Variants in MAGI1 observed in about 807,000 individuals in gnomAD.
The protein encoded by MAGI1 is membrane-associated guanylate kinase, WW and PDZ domain-containing protein 1.
A neutral mutation model predicts 139.9 loss-of-function variants in MAGI1; 58 were observed. The observed-to-expected ratio is 0.41, with a 90% CI of 0.34 to 0.52. The LOEUF (loss-of-function observed/expected upper bound fraction) is 0.52, where lower values mean the gene tolerates loss of function less well. MAGI1 is among the 20% of genes least tolerant of loss of function. The pLI is 0.12. For missense variants in MAGI1, 1,874 were observed against 1,901.6 expected (o/e 0.99, Z 0.27); for synonymous variants, 812 against 737.9 (o/e 1.10, Z -1.63).
intron 14 of MAGI1, among the ~76,000 whole-genome samples, chr3:65,386,339 A>G (rs1326621831): frequency 3.3e-5 from 5 of 152,142 alleles, no homozygotes; most frequent in African/African-American, 1.2e-4. Context: ...GAAGATGCCC[A>G]CTGACACTAG....
chr3:65,854,665 C>A (rs1036630709), intron 1 of MAGI1, among the ~76,000 whole-genome samples: 1 of 152,226 alleles, frequency 6.6e-6, no homozygotes, highest in African/African-American at 2.4e-5. Flanking sequence ...AAATGTCCCA[C>A]GAGAGGGTTC....
At chr3:65,552,518 A>T (rs2079887152) in intron 2 of MAGI1, among the ~76,000 whole-genome samples, 2 of 152,172 alleles carry the variant, frequency 1.3e-5, no homozygotes, top group African/African-American at 4.8e-5. Flanking sequence ...ACAACTTGCT[A>T]GTTTCATTTG....
chr3:65,997,926 A>G (rs1282015542), intron 1 of MAGI1, among the ~76,000 whole-genome samples: 1 of 151,976 alleles, frequency 6.6e-6, no homozygotes. Context: ...TGAGAGGCCA[A>G]GGTGGGTGTA....
At chr3:65,374,784 G>C (rs1484775296) in intron 18 of MAGI1, among the ~76,000 whole-genome samples, 2 of 152,060 alleles carry the variant, frequency 1.3e-5, no homozygotes, top group Non-Finnish European at 1.5e-5. Context: ...ATGTTCCCTG[G>C]GGGGCAGAAT....
chr3:65,492,600 G>A (rs1437392148), intron 3 of MAGI1, among the ~76,000 whole-genome samples: 1 of 152,154 alleles, frequency 6.6e-6, no homozygotes, highest in Non-Finnish European at 1.5e-5. Flanking sequence ...CAAACAGCAT[G>A]TACTATATAC....
At chr3:65,654,669 A>G (rs1425019163) in intron 1 of MAGI1, among the ~76,000 whole-genome samples, 1 of 152,108 alleles carries the variant, frequency 6.6e-6, no homozygotes, top group Non-Finnish European at 1.5e-5. Context: ...TATGGGTATA[A>G]CATGATGAGT....
At chr3:65,967,303 G>A (rs192496071) in intron 1 of MAGI1, among the ~76,000 whole-genome samples, 7 of 152,232 alleles carry the variant, frequency 4.6e-5, no homozygotes, top group South Asian at 2.1e-4. Context: ...TTCTTTCAAC[G>A]TTGCTGTATG....
At chr3:65,708,869 G>A (rs1276571958) in intron 1 of MAGI1, among the ~76,000 whole-genome samples, 1 of 152,132 alleles carries the variant, frequency 6.6e-6, no homozygotes, top group African/African-American at 2.4e-5. Context: ...TGATGAACAT[G>A]AGGAGAAAGG....
intron 1 of MAGI1, among the ~76,000 whole-genome samples, chr3:65,860,995 G>C (rs572775056): frequency 1.3e-5 from 2 of 152,082 alleles, no homozygotes; most frequent in African/African-American, 4.8e-5. Context: ...ATTCAAATAA[G>C]AAGGGCATAG....
chr3:65,617,405 C>T (rs1306069828), intron 2 of MAGI1, among the ~76,000 whole-genome samples: 1 of 152,188 alleles, frequency 6.6e-6, no homozygotes, highest in Admixed American at 6.5e-5. Context: ...TAGTAAATGA[C>T]AAGCCCTGTC....
At chr3:65,481,632 G>A (rs1004306119) in intron 3 of MAGI1, among the ~76,000 whole-genome samples, 1 of 152,060 alleles carries the variant, frequency 6.6e-6, no homozygotes, top group African/African-American at 2.4e-5. Flanking sequence ...CCCCTCCCTC[G>A]TAATTTTTAT....
chr3:65,477,896 T>C (rs867856602), intron 4 of MAGI1, among the ~76,000 whole-genome samples: 1 of 151,542 alleles, frequency 6.6e-6, no homozygotes, highest in Non-Finnish European at 1.5e-5. Context: ...AAAGGCCTTG[T>C]CCTTGAAAAT....
intron 1 of MAGI1, among the ~76,000 whole-genome samples, chr3:65,973,458 T>C (rs1042974924): frequency 1.3e-5 from 2 of 152,214 alleles, no homozygotes; most frequent in Non-Finnish European, 2.9e-5. Context: ...GATACAAATT[T>C]GGCCAAACCA....
intron 1 of MAGI1, among the ~76,000 whole-genome samples, chr3:65,850,272 A>AC (rs2059157162): frequency 6.6e-6 from 1 of 152,190 alleles, no homozygotes; most frequent in African/African-American, 2.4e-5. Flanking sequence ...AACTAGAATG[A>AC]CCAACTGTCA....
At chr3:65,491,570 G>A (rs1464787341) in intron 3 of MAGI1, among the ~76,000 whole-genome samples, 1 of 152,070 alleles carries the variant, frequency 6.6e-6, no homozygotes, top group Non-Finnish European at 1.5e-5. Context: ...ACTGATTGCA[G>A]ATGAGGACAT....
chr3:65,792,720 G>C (rs1340496066), intron 1 of MAGI1, among the ~76,000 whole-genome samples: 1 of 152,082 alleles, frequency 6.6e-6, no homozygotes, highest in Non-Finnish European at 1.5e-5. Flanking sequence ...ACGTTCCAGG[G>C]AGAATCTAGT....
At chr3:65,952,376 T>C (rs1026886879) in intron 1 of MAGI1, among the ~76,000 whole-genome samples, 4 of 152,214 alleles carry the variant, frequency 2.6e-5, no homozygotes, top group Non-Finnish European at 5.9e-5. Context: ...CTTGTTTTTT[T>C]CCGATACTTT....
chr3:65,788,779 A>G (rs2039562934), intron 1 of MAGI1, among the ~76,000 whole-genome samples: 1 of 152,226 alleles, frequency 6.6e-6, no homozygotes, highest in South Asian at 2.1e-4. Flanking sequence ...CTAGCCATAA[A>G]TCAACCATTA....
intron 2 of MAGI1, among the ~76,000 whole-genome samples, chr3:65,523,357 C>T (rs1388205356): frequency 3.3e-5 from 5 of 150,518 alleles, no homozygotes; most frequent in Admixed American, 6.7e-5. Context: ...ACTATAAACA[C>T]CATTTAATGT....
Sources: gnomAD v4.1 joint callset for allele counts (sites outside exome capture counted in the v4.1 genomes callset) on GRCh38, gnomAD v4.1.1 for gene constraint, MANE v1.5 for transcripts, NCBI Gene and HGNC (gene_info 2026-07-23, HGNC 2026-07-21) for gene names.